Variants in CBL observed in about 807,000 individuals in gnomAD.
The protein encoded by CBL is Cbl proto-oncogene.
Under a neutral mutation model 96.9 loss-of-function variants are expected in CBL, and 45 were observed. That is an observed-to-expected ratio of 0.46 (90% CI 0.37 to 0.60). CBL has a LOEUF of 0.60. Among genes scored for constraint, CBL ranks in the 20% least tolerant of loss-of-function variants. The pLI, the probability that CBL is intolerant of heterozygous loss-of-function variation, is 0.00. For missense variants in CBL, 1,024 were observed against 1,143.5 expected (o/e 0.90, Z 1.51); for synonymous variants, 420 against 426.8 (o/e 0.98, Z 0.20).
Position 119,303,573 on chromosome 11 carries a change from CTCA to C in CBL, c.*3794_*3796del, listed in dbSNP as rs1950115473. 2.1e-5 allele frequency: 5 copies of C among 233,582 alleles called. No homozygotes were observed. Among genetic ancestry groups the C allele is most frequent in the Non-Finnish European group, 4.2e-5 (5 of 118,070 alleles). The allele number at this position is 233,582 out of a possible 1,614,324, so 14.5% of individuals were successfully genotyped here. ...GCTCTTCCATGTAGACTTACCTTTC[CTCA>C]TAGAGCTATCCTGGTTAATAACAGG... On this transcript the variant is annotated 3_prime_UTR_variant, in exon 16 of 16. Coordinates refer to ENST00000264033, the MANE Select transcript of CBL (RefSeq NM_005188.4).
rs1210374271 is a variant in CBL, at chr11:119,275,957, A to T, written c.870-40A>T. The T allele has an allele frequency of 2.5e-6, 4 of 1,603,370 alleles. No homozygotes were observed. In the South Asian group the frequency reaches 4.4e-5, roughly 18 times the overall value. ...TTGCCTTGCCTTCCACCGTAATACC[A>T]GCATAATCTACTAAAGCTTCTGTTT... On this transcript the variant is annotated intron_variant, in intron 5 of 15. Transcript: ENST00000264033.
rs532837579 is a variant in CBL at position 119,244,581 on chromosome 11, ATTTT to A, written c.443+11901_443+11904del. On this transcript the variant is annotated intron_variant, in intron 2 of 15. Transcript: ENST00000264033. ...AGGTGCATGCTACCATGCCCGGCTA[ATTTT>A]TTTTTTTTTTTTTTGAGACGGAGTC... 1.1e-4 allele frequency among the ~76,000 whole-genome samples: 12 copies of A among 104,392 alleles called. 1 individual carries two copies. In the South Asian group the frequency reaches 4.5e-3, roughly 39 times the overall value. 68.5% of individuals were successfully genotyped at this position (104,392 alleles called of 152,430 possible). A position where few individuals can be genotyped will look rare whatever the true frequency, so the allele number is the denominator to read the frequency against.
chr11:119,262,804 A>G (rs748136831), intron 2 of CBL, among the ~76,000 whole-genome samples: 10 of 152,210 alleles, frequency 6.6e-5, no homozygotes, highest in Non-Finnish European at 1.2e-4. Flanking sequence ...CTGAGAGTAG[A>G]CGTTAAATAT....
Position 119,304,433 on chromosome 11 carries a change from C to T in CBL, c.*4652C>T, listed in dbSNP as rs929871056. 2 of 232,934 alleles carry T rather than the reference C, an allele frequency of 8.6e-6. No individual in the cohort carries two copies. The highest frequency in any genetic ancestry group is 4.4e-5 in the African/African-American group (2 of 45,268). 14.4% of individuals were successfully genotyped at this position (232,934 alleles called of 1,614,324 possible). Reference sequence around the variant, plus strand: ...GTTGTGGTAAGGATGCAGGGTATTTCGCAGAACCCAGGACGGGAAGTGCCT... The same window carrying T: ...GTTGTGGTAAGGATGCAGGGTATTTTGCAGAACCCAGGACGGGAAGTGCCT... On this transcript the variant is annotated 3_prime_UTR_variant, in exon 16 of 16. Coordinates refer to ENST00000264033, the MANE Select transcript of CBL (RefSeq NM_005188.4).
chr11:119,304,705 C>T lies in CBL; in HGVS notation c.*4924C>T, dbSNP rs1950123042. ...GCAGTGGTGCAGTCTCAACTCACCA[C>T]AACCTCTGCCTCCCAGGTTCAAGCA... On this transcript the variant is annotated 3_prime_UTR_variant, in exon 16 of 16. Coordinates refer to ENST00000264033, the MANE Select transcript of CBL (RefSeq NM_005188.4). 9.7e-6 allele frequency: 2 copies of T among 205,610 alleles called. No homozygotes were observed. Among genetic ancestry groups the T allele is most frequent in the African/African-American group, 4.6e-5 (2 of 43,694 alleles). The allele number at this position is 205,610 out of a possible 1,614,324, so 12.7% of individuals were successfully genotyped here. A position where few individuals can be genotyped will look rare whatever the true frequency, so the allele number is the denominator to read the frequency against.
At chr11:119,292,872 T>A (rs1338159492) in intron 12 of CBL, among the ~76,000 whole-genome samples, 1 of 152,176 alleles carries the variant, frequency 6.6e-6, no homozygotes, top group African/African-American at 2.4e-5. Flanking sequence ...CTCCTCAACT[T>A]AAGATGGGGT....
intron 2 of CBL, among the ~76,000 whole-genome samples, chr11:119,238,978 G>T (rs569864127): frequency 3.9e-5 from 6 of 151,984 alleles, no homozygotes; most frequent in Non-Finnish European, 7.4e-5. Flanking sequence ...TTTTGTCTTT[G>T]TTGTTTTAGA....
At chr11:119,272,252 G>A (rs144467593) in intron 3 of CBL, among the ~76,000 whole-genome samples, 168 of 152,210 alleles carry the variant, frequency 1.1e-3, no homozygotes, top group African/African-American at 3.7e-3. Flanking sequence ...CTCCTGAGTC[G>A]CTGGGACTAT....
chr11:119,299,467 C>T lies in CBL; in HGVS notation c.2435-28C>T, dbSNP rs768837941. The T allele has an allele frequency of 3.1e-6, 5 of 1,607,884 alleles. No homozygotes were observed. The South Asian group carries it at 5.5e-5, about 18-fold the overall frequency. The stretch of plus-strand genomic sequence containing the variant: ...TTAAATGAGGATTTCCCCAGATTTG[C>T]AAATATTTTCTTTCCTATTTCTTCT... On this transcript the variant is annotated intron_variant, in intron 15 of 15. Coordinates refer to ENST00000264033, the MANE Select transcript of CBL (RefSeq NM_005188.4).
rs1949979525 is a variant in CBL, at chr11:119,285,659, G to A, written c.1941+93G>A. On this transcript the variant is annotated intron_variant, in intron 11 of 15. Transcript: ENST00000264033. ...GTCTGTAATCCCAGCAATTTGGGAG[G>A]CCAAGGTGGGTGGATCGCTTGAGCC... The A allele has an allele frequency of 2.8e-5, 40 of 1,410,920 alleles. 1 individual carries two copies. In the South Asian group the frequency reaches 4.8e-4, roughly 17 times the overall value. 87.4% of individuals were successfully genotyped at this position (1,410,920 alleles called of 1,614,324 possible).
At chr11:119,285,132 A>G (rs765212689) in intron 10 of CBL, 32 bp downstream of exon 10, 2 of 1,613,806 alleles carry the variant, frequency 1.2e-6, no homozygotes, top group Admixed American at 1.7e-5. Flanking sequence ...CAGTTTTTGG[A>G]TTCTTTGCTG....
intron 14 of CBL, 30 bp from the exon 15 acceptor site, chr11:119,298,328 A>C (rs774646071): frequency 4.4e-6 from 7 of 1,602,650 alleles, no homozygotes; most frequent in Non-Finnish European, 6.0e-6. Context: ...AGTGCGTCAG[A>C]AGAAGATAAC....
intron 4 of CBL, among the ~76,000 whole-genome samples, chr11:119,274,232 AGCTATACCAACTGCTTTCT>A (rs1949871187): frequency 6.6e-6 from 1 of 152,178 alleles, no homozygotes; most frequent in Non-Finnish European, 1.5e-5. Flanking sequence ...TGAAAATGAC[AGCTATACCAACTGCTTTCT>A]TCTCCTCACA....
intron 2 of CBL, among the ~76,000 whole-genome samples, chr11:119,253,869 A>G (rs1438407350): frequency 1.3e-5 from 2 of 151,030 alleles, no homozygotes; most frequent in Admixed American, 1.3e-4. Context: ...CAAAAATATC[A>G]TCAGCCAGTC....
Position 119,242,914 on chromosome 11 carries a change from A to G in CBL, c.443+10219A>G, listed in dbSNP as rs193230806. Among the ~76,000 whole-genome samples, 54 of 152,164 alleles carry G rather than the reference A, an allele frequency of 3.5e-4. 1 individual carries two copies. Among genetic ancestry groups the G allele is most frequent in the Middle Eastern group, 6.8e-3 (2 of 294 alleles). On this transcript the variant is annotated intron_variant, in intron 2 of 15. Transcript: ENST00000264033. ...CAAAAGAGGGTGCAGGGACATGGGTATTGCCATACCAGGTTGCATTAGGGG... is the reference window on the plus strand; with the variant it reads ...CAAAAGAGGGTGCAGGGACATGGGTGTTGCCATACCAGGTTGCATTAGGGG...
intron 1 of CBL, among the ~76,000 whole-genome samples, chr11:119,215,257 A>C (rs146022765): frequency 6.6e-6 from 1 of 152,136 alleles, no homozygotes; most frequent in African/African-American, 2.4e-5. Context: ...TATACATATA[A>C]TGAACCTGAT....
At chr11:119,256,737 GTC>G (rs920343796) in intron 2 of CBL, among the ~76,000 whole-genome samples, 52 of 147,652 alleles carry the variant, frequency 3.5e-4, no homozygotes, top group Admixed American at 3.5e-3. Flanking sequence ...CCGCTTCTGA[GTC>G]TCTAAAGTCC....
chr11:119,279,061 C>G (rs904091406), intron 9 of CBL, among the ~76,000 whole-genome samples: 3 of 152,060 alleles, frequency 2.0e-5, no homozygotes, highest in African/African-American at 7.2e-5. Flanking sequence ...TTCTTACTGT[C>G]TGTATTTTTT....
intron 12 of CBL, among the ~76,000 whole-genome samples, chr11:119,290,631 AG>A (rs922498712): frequency 1.4e-5 from 2 of 139,154 alleles, no homozygotes; most frequent in African/African-American, 2.7e-5. Context: ...AAAAAAAAAA[AG>A]AGATACTTTC....
Sources: gnomAD v4.1 joint callset for allele counts (sites outside exome capture counted in the v4.1 genomes callset) on GRCh38, gnomAD v4.1.1 for gene constraint, MANE v1.5 for transcripts, NCBI Gene and HGNC (gene_info 2026-07-23, HGNC 2026-07-21) for gene names.